SND1: variants seen among roughly 807,000 people sequenced by gnomAD.
The protein encoded by SND1 is staphylococcal nuclease and tudor domain containing 1, also known as staphylococcal nuclease domain-containing protein 1.
SND1 carries 38 observed loss-of-function variants against 121.7 expected under a neutral mutation model. The ratio of observed to expected loss-of-function variants is 0.31; its 90% CI spans 0.24 to 0.41. SND1 has a LOEUF of 0.41. SND1 is among the 10% of genes least tolerant of loss of function. The pLI is 1.00. For missense variants in SND1, 868 were observed against 1,184.6 expected (o/e 0.73, Z 3.92); for synonymous variants, 401 against 447.4 (o/e 0.90, Z 1.31).
chr7:127,968,161 T>C (rs564794777), intron 15 of SND1, among the ~76,000 whole-genome samples: 3 of 152,388 alleles, frequency 2.0e-5, no homozygotes, highest in African/African-American at 7.2e-5. Flanking sequence ...TTGTCCTCTT[T>C]AGATGTCAGA....
chr7:127,984,304 C>T (rs10464691), intron 15 of SND1, among the ~76,000 whole-genome samples: 6,661 of 152,286 alleles, frequency 0.044, 159 homozygotes, highest in Admixed American at 0.071. Context: ...AGTTAAACCA[C>T]GTTCTCTAAA....
chr7:128,053,141 G>A (rs1161476162), intron 16 of SND1, among the ~76,000 whole-genome samples: 1 of 152,240 alleles, frequency 6.6e-6, no homozygotes, highest in Non-Finnish European at 1.5e-5. Flanking sequence ...AAGGCTTTCA[G>A]AATTGACAAG....
intron 13 of SND1, among the ~76,000 whole-genome samples, chr7:127,891,100 G>T (rs567608585): frequency 1.3e-5 from 2 of 152,208 alleles, no homozygotes; most frequent in African/African-American, 4.8e-5. Context: ...CCATCTTCTC[G>T]ATGCTAACCC....
chr7:127,706,258 C>CT, intron 8 of SND1, among the ~76,000 whole-genome samples: 1 of 73,158 alleles, frequency 1.4e-5, no homozygotes, highest in Admixed American at 1.5e-4. Context: ...CCCCTCCCCC[C>CT]CCCCACCTTT....
At chr7:128,000,433 T>C (rs1032503544) in intron 16 of SND1, among the ~76,000 whole-genome samples, 15 of 150,196 alleles carry the variant, frequency 1.0e-4, no homozygotes, top group African/African-American at 3.5e-4. Flanking sequence ...AGTGGCACAG[T>C]CATGGCTCAC....
chr7:127,691,428 C>T (rs896414645), intron 2 of SND1, among the ~76,000 whole-genome samples: 2 of 151,636 alleles, frequency 1.3e-5, no homozygotes, highest in African/African-American at 2.4e-5. Context: ...CGTGTAGTCC[C>T]GGCTACTCGG....
chr7:127,820,752 C>G (rs1262812723), intron 11 of SND1, among the ~76,000 whole-genome samples: 1 of 152,004 alleles, frequency 6.6e-6, no homozygotes, highest in Non-Finnish European at 1.5e-5. Flanking sequence ...TTTCTTAGAC[C>G]TCCAACATGA....
intron 16 of SND1, among the ~76,000 whole-genome samples, chr7:128,054,016 C>T (rs1793093763): frequency 1.3e-5 from 2 of 152,224 alleles, no homozygotes. Context: ...GAGAAATGGG[C>T]CTGCTGCTGC....
intron 14 of SND1, among the ~76,000 whole-genome samples, chr7:127,918,978 A>AT (rs1800644362): frequency 6.6e-6 from 1 of 152,098 alleles, no homozygotes; most frequent in African/African-American, 2.4e-5. Context: ...AATTGTTGCC[A>AT]TTTTTCTCCA....
intron 16 of SND1, chr7:128,030,980 C>G (rs531074627): frequency 1.8e-5 from 3 of 169,136 alleles, no homozygotes; most frequent in East Asian, 1.5e-4. Flanking sequence ...CTGGGCACCT[C>G]GTTCCCATTC....
intron 14 of SND1, among the ~76,000 whole-genome samples, chr7:127,921,054 C>T (rs1172022277): frequency 6.6e-6 from 1 of 152,082 alleles, no homozygotes; most frequent in African/African-American, 2.4e-5. Flanking sequence ...AATCTCTGAG[C>T]TTGTATAGAA....
chr7:127,657,687 G>A (rs1389121969), intron 1 of SND1, among the ~76,000 whole-genome samples: 1 of 151,902 alleles, frequency 6.6e-6, no homozygotes, highest in Non-Finnish European at 1.5e-5. Flanking sequence ...TTGTAGAAAT[G>A]GGGTCTTGCT....
intron 9 of SND1, among the ~76,000 whole-genome samples, chr7:127,720,125 G>T (rs1796465944): frequency 6.6e-6 from 1 of 152,176 alleles, no homozygotes; most frequent in African/African-American, 2.4e-5. Flanking sequence ...GGCCTTTCAA[G>T]AAATAGTTAG....
chr7:127,950,435 C>T (rs766938714), intron 15 of SND1, among the ~76,000 whole-genome samples: 2 of 152,270 alleles, frequency 1.3e-5, no homozygotes, highest in Non-Finnish European at 2.9e-5. Context: ...GCCTCTTATC[C>T]GGTGACACAG....
At chr7:128,012,172 A>G (rs1171340175) in intron 16 of SND1, among the ~76,000 whole-genome samples, 1 of 152,134 alleles carries the variant, frequency 6.6e-6, no homozygotes, top group Non-Finnish European at 1.5e-5. Flanking sequence ...ATTTTTCTGG[A>G]TAAGTTTTCA....
intron 15 of SND1, among the ~76,000 whole-genome samples, chr7:127,990,737 G>A (rs1802503189): frequency 6.6e-6 from 1 of 152,148 alleles, no homozygotes; most frequent in Admixed American, 6.5e-5. Flanking sequence ...CTATCCATTG[G>A]TGCTGCTGTG....
intron 10 of SND1, among the ~76,000 whole-genome samples, chr7:127,764,527 A>C (rs886574414): frequency 2.6e-5 from 4 of 152,234 alleles, no homozygotes; most frequent in Non-Finnish European, 4.4e-5. Flanking sequence ...GTTTGCCTGC[A>C]TAGAGTAGAG....
At chr7:128,006,577 G>A (rs1424588313) in intron 16 of SND1, among the ~76,000 whole-genome samples, 1 of 152,212 alleles carries the variant, frequency 6.6e-6, no homozygotes, top group Non-Finnish European at 1.5e-5. Context: ...CAAAGCCAAA[G>A]CTTGGCTAAC....
chr7:127,802,776 G>A (rs548814525), intron 10 of SND1, among the ~76,000 whole-genome samples: 13 of 152,192 alleles, frequency 8.5e-5, no homozygotes, highest in African/African-American at 2.6e-4. Context: ...ACCCTTCTCC[G>A]TTCGTCTATT....
Sources: allele counts gnomAD v4.1 joint callset (sites outside exome capture counted in the v4.1 genomes callset), GRCh38; gene constraint gnomAD v4.1.1; transcripts MANE v1.5; gene names NCBI Gene and HGNC (gene_info 2026-07-23, HGNC 2026-07-21).